Variants in VRK2 observed in about 807,000 individuals in gnomAD.
VRK2 encodes the protein VRK serine/threonine kinase 2.
In VRK2, 60 loss-of-function variants were observed where a neutral mutation model predicts 57.6. The observed-to-expected ratio is 1.04, with a 90% CI of 0.85 to 1.29. VRK2 has a LOEUF of 1.29. Among genes scored for constraint, VRK2 ranks in the 50% most tolerant of loss-of-function variants. The pLI is 0.00. For synonymous variants in VRK2, 231 were observed against 199.2 expected (o/e 1.16, Z -1.35); for missense variants, 705 against 588.1 (o/e 1.20, Z -2.06).
At chr2:58,006,047 T>C (rs903268692) in intron 1 of VRK2, among the ~76,000 whole-genome samples, 6 of 152,166 alleles carry the variant, frequency 3.9e-5, no homozygotes, top group Non-Finnish European at 8.8e-5. Context: ...GCTAGACTCA[T>C]GTCCCAGCAT....
chr2:58,079,722 T>C (rs1200048451), intron 2 of VRK2, among the ~76,000 whole-genome samples: 2 of 151,972 alleles, frequency 1.3e-5, no homozygotes, highest in Non-Finnish European at 2.9e-5. Flanking sequence ...TATTGCTTAA[T>C]TTGCTTAGTT....
rs1462540300 is a variant in VRK2, at chr2:57,936,359, T to C, written c.-439+28520T>C. 2.0e-5 allele frequency among the ~76,000 whole-genome samples: 3 copies of C among 152,214 alleles called. No individual in the cohort carries two copies. The East Asian group carries it at 5.8e-4, about 29-fold the overall frequency. On this transcript the variant is annotated intron_variant, in intron 1 of 15. Coordinates refer to the VRK2 transcript ENST00000417641. Reference sequence around the variant, plus strand: ...TTTTACCTAGCAAATAATGGTAAGTTTAAGAACACTAAATGACTCATAATG... The same window carrying C: ...TTTTACCTAGCAAATAATGGTAAGTCTAAGAACACTAAATGACTCATAATG...
chr2:58,022,493 G>C (rs1673788576), intron 1 of VRK2, among the ~76,000 whole-genome samples: 2 of 152,178 alleles, frequency 1.3e-5, no homozygotes, highest in African/African-American at 4.8e-5. Context: ...AAGTTGAGGG[G>C]AGTAGGAAAA....
In VRK2 at chr2:57,961,922, C is replaced by A. The variant is rs530296024; in HGVS notation, c.-439+54083C>A. On this transcript the variant is annotated intron_variant, in intron 1 of 15. Transcript: ENST00000417641. ...TGAAACCCTGTCTCTACAAAATAGA[C>A]AAAAATTAGCTGGGCACGGTGGCAA... is the stretch of plus-strand genomic sequence containing the variant. 1.4e-3 allele frequency among the ~76,000 whole-genome samples: 210 copies of A among 152,100 alleles called. 2 individuals are homozygous for A. The highest frequency in any genetic ancestry group is 5.0e-3 in the African/African-American group (206 of 41,508).
upstream of VRK2, among the ~76,000 whole-genome samples, chr2:58,043,038 A>G (rs1674524937): frequency 1.3e-5 from 2 of 152,364 alleles, no homozygotes; most frequent in South Asian, 4.1e-4. Context: ...TTCTCAATAT[A>G]GGTTTACCTG....
chr2:57,919,215 G>A lies in VRK2; in HGVS notation c.-439+11376G>A, dbSNP rs567674815. 5.9e-5 allele frequency among the ~76,000 whole-genome samples: 9 copies of A among 152,130 alleles called. No individual in the cohort carries two copies. The South Asian group carries it at 1.7e-3, about 28-fold the overall frequency. ...AGTAAGTATCAAATAGGGAAGTTTT[G>A]AGTATGAAATAAAAGATAAAGGTAA... is the stretch of plus-strand genomic sequence containing the variant. On this transcript the variant is annotated intron_variant, in intron 1 of 15. Transcript: ENST00000417641.
chr2:58,128,041 G>A (rs149696136), intron 8 of VRK2, among the ~76,000 whole-genome samples: 5 of 152,174 alleles, frequency 3.3e-5, no homozygotes, highest in African/African-American at 1.2e-4. Context: ...TAGAAGGACC[G>A]TTTGTCACTT....
At chr2:58,088,602 C>T (rs1671959015) in intron 6 of VRK2, among the ~76,000 whole-genome samples, 156 bp downstream of exon 6, 3 of 152,120 alleles carry the variant, frequency 2.0e-5, no homozygotes, top group Admixed American at 6.5e-5. Flanking sequence ...AAATTGATAA[C>T]AATGGGCTCT....
At chr2:58,134,861 A>G (rs1162268842) in intron 9 of VRK2, among the ~76,000 whole-genome samples, 1 of 152,188 alleles carries the variant, frequency 6.6e-6, no homozygotes, top group African/African-American at 2.4e-5. Flanking sequence ...CTTTTGTTAT[A>G]GGAATGTTGG....
chr2:58,158,747 A>AT (rs1361356082), intron 12 of VRK2, among the ~76,000 whole-genome samples: 8 of 152,158 alleles, frequency 5.3e-5, no homozygotes, highest in Non-Finnish European at 1.0e-4. Flanking sequence ...CGAAACTTGC[A>AT]TAAGTAACCA....
intron 2 of VRK2, among the ~76,000 whole-genome samples, chr2:58,060,524 C>T (rs1677168998): frequency 6.6e-6 from 1 of 151,402 alleles, no homozygotes; most frequent in Non-Finnish European, 1.5e-5. Flanking sequence ...AAGCAGATCT[C>T]AGTCACAGAA....
At chr2:58,148,187 A>G (rs13426740) in intron 12 of VRK2, among the ~76,000 whole-genome samples, 5,476 of 151,878 alleles carry the variant, frequency 0.036, 337 homozygotes, top group African/African-American at 0.13. Flanking sequence ...GTCCTCCCCA[A>G]TATTTGGTAT....
intron 1 of VRK2, among the ~76,000 whole-genome samples, chr2:57,910,442 G>A (rs1669951292): frequency 6.6e-6 from 1 of 152,142 alleles, no homozygotes; most frequent in African/African-American, 2.4e-5. Context: ...GTCTCTTCAT[G>A]ACCCCAAGAG....
At chr2:57,908,876 CT>C (rs1458107176) in intron 1 of VRK2, among the ~76,000 whole-genome samples, 2 of 152,100 alleles carry the variant, frequency 1.3e-5, no homozygotes, top group African/African-American at 4.8e-5. Flanking sequence ...TGAAACTTAA[CT>C]TGGGGTGATT....
At chr2:58,148,152 T>G (rs1168028287) in intron 12 of VRK2, among the ~76,000 whole-genome samples, 1 of 151,888 alleles carries the variant, frequency 6.6e-6, no homozygotes, top group Non-Finnish European at 1.5e-5. Context: ...CCACCAGTAA[T>G]GTACAAGAGT....
chr2:58,109,029 G>C (rs1454279725), intron 7 of VRK2, among the ~76,000 whole-genome samples: 2 of 152,114 alleles, frequency 1.3e-5, no homozygotes, highest in Non-Finnish European at 2.9e-5. Context: ...TATTTGATAA[G>C]TATGCATTCA....
intron 3 of VRK2, among the ~76,000 whole-genome samples, chr2:58,037,704 T>A (rs1373011140): frequency 1.3e-5 from 2 of 152,138 alleles, no homozygotes; most frequent in African/African-American, 4.8e-5. Context: ...TCTTTTCATT[T>A]AAACCTTACA....
intron 1 of VRK2, among the ~76,000 whole-genome samples, chr2:57,998,112 A>C (rs2103617850): frequency 6.6e-6 from 1 of 152,324 alleles, no homozygotes; most frequent in East Asian, 1.9e-4. Flanking sequence ...ACTGAAGGAA[A>C]TAAAGACAGG....
rs150975283 is a variant in VRK2 at position 58,069,193 on chromosome 2, T to A, written c.137-14896T>A. Among the ~76,000 whole-genome samples, 115 of 152,338 alleles carry A rather than the reference T, an allele frequency of 7.5e-4. 4 individuals are homozygous for A. In the East Asian group the frequency reaches 0.021, roughly 27 times the overall value. Reference sequence around the variant, plus strand: ...TAGCAGATAGTCTTCCTGGTTGCATTCAGGCTTCAAGTTTTAACAGGTCTG... The same window carrying A: ...TAGCAGATAGTCTTCCTGGTTGCATACAGGCTTCAAGTTTTAACAGGTCTG... On this transcript the variant is annotated intron_variant, in intron 2 of 12. Coordinates refer to ENST00000340157, the MANE Select transcript of VRK2 (RefSeq NM_006296.7).
Sources: gnomAD v4.1 joint callset for allele counts (sites outside exome capture counted in the v4.1 genomes callset) on GRCh38, gnomAD v4.1.1 for gene constraint, MANE v1.5 for transcripts, NCBI Gene and HGNC (gene_info 2026-07-23, HGNC 2026-07-21) for gene names.